The following ITGA1 variants were observed in gnomAD, a reference collection of about 807,000 sequenced individuals.
ITGA1 encodes integrin alpha-1.
Under a neutral mutation model 145.9 loss-of-function variants are expected in ITGA1, and 85 were observed. The observed-to-expected ratio is 0.58, with a 90% CI of 0.49 to 0.70. The LOEUF is 0.70. Ranked by LOEUF, ITGA1 falls within the 30% of genes least tolerant of loss-of-function variation. ITGA1 has a pLI of 0.00. For synonymous variants in ITGA1, 520 were observed against 495.3 expected (o/e 1.05, Z -0.66); for missense variants, 1,351 against 1,418.7 (o/e 0.95, Z 0.77).
At chr5:52,893,579 G>A (rs1750182758) in intron 8 of ITGA1, 96 bp from the exon 9 acceptor site, 14 of 1,072,338 alleles carry the variant, frequency 1.3e-5, no homozygotes, top group Non-Finnish European at 1.7e-5. Flanking sequence ...TTATGCTAAG[G>A]TACTCTACAC....
chr5:52,865,674 A>T lies in ITGA1; in HGVS notation c.497-16A>T. ...AAATAGATTCCAAATTTGACAATTG[A>T]CTCCTTTTATTGCAGAATGCAGCAC... On this transcript the variant is annotated splice_polypyrimidine_tract_variant and intron_variant, in intron 5 of 28. Coordinates refer to ENST00000282588, the MANE Select transcript of ITGA1 (RefSeq NM_181501.2). The T allele has an allele frequency of 6.7e-7, 1 of 1,499,766 alleles. No homozygotes were observed. The highest frequency in any genetic ancestry group is 8.8e-7 in the Non-Finnish European group (1 of 1,130,366). 92.9% of individuals were successfully genotyped at this position (1,499,766 alleles called of 1,614,324 possible). A position where few individuals can be genotyped will look rare whatever the true frequency, so the allele number is the denominator to read the frequency against.
rs374332194 is a variant in ITGA1 at position 52,846,253 on chromosome 5, A to T, written c.62-3112A>T. Reference sequence around the variant, plus strand: ...CAGTCTCCACTAAAAATATAAAAAAATTAGCCAAACGTGGTGTCAGGCACC... The same window carrying T: ...CAGTCTCCACTAAAAATATAAAAAATTTAGCCAAACGTGGTGTCAGGCACC... On this transcript the variant is annotated intron_variant, in intron 1 of 28. Transcript: ENST00000282588. Among the ~76,000 whole-genome samples the T allele has an allele frequency of 2.0e-5, 3 of 152,268 alleles. No individual in the cohort carries two copies. The East Asian group carries it at 5.8e-4, about 29-fold the overall frequency.
intron 16 of ITGA1, among the ~76,000 whole-genome samples, chr5:52,919,627 T>A (rs12697100): frequency 0.23 from 35,285 of 152,100 alleles, 4,550 homozygotes; most frequent in South Asian, 0.35. Flanking sequence ...CATATGTGCA[T>A]GTATATGCTC....
Position 52,915,447 on chromosome 5 carries a change from T to C in ITGA1, c.1858-17T>C, listed in dbSNP as rs937259448. ...AGACTCTTCTCATATGAAACTCTTT[T>C]TTTTGGATTCTCACAGCGTATTCCA... On this transcript the variant is annotated splice_polypyrimidine_tract_variant and intron_variant, in intron 14 of 28. Transcript: ENST00000282588. The C allele has an allele frequency of 6.2e-7, 1 of 1,611,656 alleles. No homozygotes were observed. Among genetic ancestry groups the C allele is most frequent in the Admixed American group, 1.7e-5 (1 of 59,326 alleles).
chr5:52,912,099 ATAGCG>A (rs1750561494), intron 14 of ITGA1, among the ~76,000 whole-genome samples: 1 of 142,646 alleles, frequency 7.0e-6, no homozygotes, highest in Non-Finnish European at 1.5e-5. Flanking sequence ...TACACTATAT[ATAGCG>A]TATCTAGTAT....
chr5:52,875,111 A>G (rs141259409), intron 6 of ITGA1, among the ~76,000 whole-genome samples: 407 of 152,298 alleles, frequency 2.7e-3, no homozygotes, highest in African/African-American at 8.9e-3. Flanking sequence ...CTTTTGCACC[A>G]TTTGCAATTT....
At chr5:52,825,553 T>G (rs890767138) in intron 1 of ITGA1, among the ~76,000 whole-genome samples, 3 of 152,228 alleles carry the variant, frequency 2.0e-5, no homozygotes, top group Admixed American at 1.3e-4. Flanking sequence ...ACAGCTCCAC[T>G]GACCAGCTGT....
At chr5:52,831,986 G>GCCTCATTCTTCCT (rs1410065139) in intron 1 of ITGA1, among the ~76,000 whole-genome samples, 1 of 152,062 alleles carries the variant, frequency 6.6e-6, no homozygotes, top group African/African-American at 2.4e-5. Flanking sequence ...TAGCTCTGTT[G>GCCTCATTCTTCCT]CCTCATTCTT....
chr5:52,801,470 C>G (rs1471849552), intron 1 of ITGA1: 1 of 1,613,996 alleles, frequency 6.2e-7, no homozygotes, highest in Non-Finnish European at 8.5e-7. Flanking sequence ...CCTACTGTGG[C>G]TAGCCGCCTT....
At chr5:52,951,930 G>A (rs138099777) in intron 28 of ITGA1, among the ~76,000 whole-genome samples, 118 of 152,278 alleles carry the variant, frequency 7.7e-4, no homozygotes, top group African/African-American at 2.5e-3. Flanking sequence ...GATGGCTCAC[G>A]CCTGTAATCC....
rs1388955390 is a variant in ITGA1, at chr5:52,931,992, T to TTTAAATAGACA, written c.2772-55_2772-54insTTAAATAGACA. ...CTTCTCTTTCAAACACTTAGAAATG[T>TTTAAATAGACA]CTTTAAATAGTCAAGATTTTAATGG... On this transcript the variant is annotated intron_variant, in intron 21 of 28. Coordinates refer to ENST00000282588, the MANE Select transcript of ITGA1 (RefSeq NM_181501.2). 3 of 1,032,630 alleles carry TTTAAATAGACA rather than the reference T, an allele frequency of 2.9e-6. No individual in the cohort carries two copies. The Admixed American group carries it at 5.3e-5, about 18-fold the overall frequency. The allele number at this position is 1,032,630 out of a possible 1,614,324, so 64.0% of individuals were successfully genotyped here.
At chr5:52,914,567 T>C (rs547826134) in intron 14 of ITGA1, among the ~76,000 whole-genome samples, 1 of 146,602 alleles carries the variant, frequency 6.8e-6, no homozygotes, top group Non-Finnish European at 1.5e-5. Context: ...ACCTGGGAAG[T>C]GAAGGTTGCA....
intron 23 of ITGA1, among the ~76,000 whole-genome samples, chr5:52,936,884 A>AGATGG (rs200449689): frequency 6.7e-6 from 1 of 149,286 alleles, no homozygotes; most frequent in Admixed American, 7.1e-5. Flanking sequence ...GAAGGGAAGC[A>AGATGG]GATGGGAGTC....
intron 1 of ITGA1, among the ~76,000 whole-genome samples, chr5:52,822,340 C>G (rs999152228): frequency 6.6e-5 from 10 of 152,182 alleles, no homozygotes; most frequent in African/African-American, 2.4e-4. Context: ...ATTTGAGCTT[C>G]GATTTTACTT....
chr5:52,941,275 T>A (rs1259531359), intron 26 of ITGA1, among the ~76,000 whole-genome samples: 1 of 152,188 alleles, frequency 6.6e-6, no homozygotes, highest in African/African-American at 2.4e-5. Context: ...ACAGTTTCTT[T>A]CGGGTATATA....
chr5:52,946,559 T>C (rs1751138380), intron 27 of ITGA1, among the ~76,000 whole-genome samples: 1 of 152,156 alleles, frequency 6.6e-6, no homozygotes, highest in Admixed American at 6.5e-5. Flanking sequence ...AATTGAGGTG[T>C]TACTGTTAAA....
rs77068481 is a variant in ITGA1, at chr5:52,915,865, G to A, written c.1988+271G>A. On this transcript the variant is annotated intron_variant, in intron 15 of 28. Coordinates refer to ENST00000282588, the MANE Select transcript of ITGA1 (RefSeq NM_181501.2). ...TATTCTGTTTTAGGAGAGGTATAGGGGAAGAGAAGATCTTATAGAGGATGT... is the reference window on the plus strand; with the variant it reads ...TATTCTGTTTTAGGAGAGGTATAGGAGAAGAGAAGATCTTATAGAGGATGT... Among the ~76,000 whole-genome samples, 956 of 152,220 alleles carry A rather than the reference G, an allele frequency of 6.3e-3. 9 individuals carry two copies. The highest frequency in any genetic ancestry group is 0.022 in the African/African-American group (917 of 41,534).
rs1028509439 is a variant in ITGA1 at position 52,956,099 on chromosome 5, G to A, written c.*3648G>A. On this transcript the variant is annotated 3_prime_UTR_variant, in exon 29 of 29. Transcript: ENST00000282588. ...CCATTGTTGTGATCAATGGAGTAAAGCTGGGGTATAGTAGAGGCTGGGGAA... is the reference window on the plus strand; with the variant it reads ...CCATTGTTGTGATCAATGGAGTAAAACTGGGGTATAGTAGAGGCTGGGGAA... 2 of 152,136 alleles carry A rather than the reference G, an allele frequency of 1.3e-5. No homozygotes were observed. Among genetic ancestry groups the A allele is most frequent in the African/African-American group, 4.8e-5 (2 of 41,428 alleles). The allele number at this position is 152,136 out of a possible 1,614,324, so 9.4% of individuals were successfully genotyped here.
chr5:52,839,872 G>A (rs1303915839), intron 1 of ITGA1, among the ~76,000 whole-genome samples: 5 of 148,290 alleles, frequency 3.4e-5, no homozygotes, highest in Non-Finnish European at 5.9e-5. Context: ...AGTAAGTGAA[G>A]TAGTAACTGT....
Sources: allele counts gnomAD v4.1 joint callset (sites outside exome capture counted in the v4.1 genomes callset), GRCh38; gene constraint gnomAD v4.1.1; transcripts MANE v1.5; gene names NCBI Gene and HGNC (gene_info 2026-07-23, HGNC 2026-07-21).